DCDC1: variants seen among roughly 807,000 people sequenced by gnomAD.
The protein encoded by DCDC1 is doublecortin domain-containing protein 1.
In DCDC1, 200 loss-of-function variants were observed where a neutral mutation model predicts 178.3. That is an observed-to-expected ratio of 1.12 (90% confidence interval 1.00 to 1.26). The LOEUF is 1.26. Among genes scored for constraint, DCDC1 ranks in the 50% most tolerant of loss-of-function variants. DCDC1 has a pLI of 0.00. For missense variants in DCDC1, 1,983 were observed against 1,749.2 expected, an observed-to-expected ratio of 1.13 and a Z score of -2.38; for synonymous variants, 690 against 604.8, an observed-to-expected ratio of 1.14 and a Z score of -2.07.
chr11:31,042,299 C>G (rs1025611970), intron 20 of DCDC1, among the ~76,000 whole-genome samples: 1 of 152,154 alleles, frequency 6.6e-6, no homozygotes, highest in African/African-American at 2.4e-5. Flanking sequence ...ACGGAACACA[C>G]AGAATGTAGT....
rs749140925 is a variant in DCDC1, at chr11:30,938,304, G to A, written c.2716-6352C>T. Among the ~76,000 whole-genome samples, 13 of 152,010 alleles carry A rather than the reference G, an allele frequency of 8.6e-5. No individual in the cohort carries two copies. The East Asian group carries it at 1.4e-3, about 16-fold the overall frequency. On this transcript the variant is annotated intron_variant, in intron 21 of 38. Transcript: ENST00000684477. ...TCTCTCTCTGGGCACGAGCCAAGCC[G>A]TGCTGTGCCCTGGCTCCCTCCTGTC...
rs902139456 is a variant in DCDC1 at position 30,905,009 on chromosome 11, C to A, written c.4260G>T (p.Gly1420=). The change falls in exon 31 of 39, where the codon GGG becomes GGT. Residue 1420 remains glycine, a synonymous_variant. Coordinates refer to ENST00000684477, the MANE Select transcript of DCDC1 (RefSeq NM_001387274.1). Reference sequence around the variant, plus strand: ...TTAACTTCCCATTACGATACCCATCCCCATTTTTGTATGCAATTATTTTCA... The same window carrying A: ...TTAACTTCCCATTACGATACCCATCACCATTTTTGTATGCAATTATTTTCA... The part of the protein sequence containing the change: ...KAVKIIAYKN[G]DGYRNGKLIV... 2 of 1,613,728 alleles carry A rather than the reference C, an allele frequency of 1.2e-6. No homozygotes were observed. The highest frequency in any genetic ancestry group is 1.7e-6 in the Non-Finnish European group (2 of 1,179,782).
intron 9 of DCDC1, among the ~76,000 whole-genome samples, chr11:31,153,380 C>T (rs1965374232): frequency 6.6e-6 from 1 of 152,182 alleles, no homozygotes; most frequent in Non-Finnish European, 1.5e-5. Context: ...ATCTACTCTT[C>T]AAACCCCCAT....
chr11:30,868,146 T>C (rs1265716320), intron 38 of DCDC1, among the ~76,000 whole-genome samples: 1 of 152,116 alleles, frequency 6.6e-6, no homozygotes, highest in African/African-American at 2.4e-5. Context: ...TAACTCTGAT[T>C]CTTACACCAA....
chr11:31,148,961 T>C (rs182481913), intron 9 of DCDC1, among the ~76,000 whole-genome samples: 28 of 152,114 alleles, frequency 1.8e-4, no homozygotes, highest in East Asian at 1.5e-3. Flanking sequence ...TCCTCAAAGC[T>C]TAGCTCCCAC....
rs940564742 is a variant in DCDC1, at chr11:30,943,201, T to A, written c.2715+9244A>T. 13 of 152,454 alleles carry A rather than the reference T, an allele frequency of 8.5e-5. No homozygotes were observed. In the Middle Eastern group the frequency reaches 0.01, roughly 120 times the overall value. The allele number at this position is 152,454 out of a possible 1,614,324, so 9.4% of individuals were successfully genotyped here. A position where few individuals can be genotyped will look rare whatever the true frequency, so the allele number is the denominator to read the frequency against. ...AATTGATCATTCTTCTTTTTTTTTT[T>A]ATCTCTCTCTCATAAGAGAGAGAGC... On this transcript the variant is annotated intron_variant, in intron 21 of 38. Coordinates refer to ENST00000684477, the MANE Select transcript of DCDC1 (RefSeq NM_001387274.1).
At chr11:30,909,505 A>T (rs985494625) in intron 28 of DCDC1, among the ~76,000 whole-genome samples, 1 of 152,146 alleles carries the variant, frequency 6.6e-6, no homozygotes, top group African/African-American at 2.4e-5. Flanking sequence ...AGTGTAAATA[A>T]ATATTTGGGA....
chr11:31,275,895 G>A (rs756895868), intron 7 of DCDC1, among the ~76,000 whole-genome samples: 12 of 152,164 alleles, frequency 7.9e-5, no homozygotes, highest in Non-Finnish European at 1.8e-4. Flanking sequence ...CATAAGCAGG[G>A]GCTTCTGGGA....
Position 31,307,919 on chromosome 11 carries a change from C to T in DCDC1, c.165-11G>A, listed in dbSNP as rs772086260. On this transcript the variant is annotated splice_polypyrimidine_tract_variant and intron_variant, in intron 3 of 38. Transcript: ENST00000684477. The stretch of plus-strand genomic sequence containing the variant: ...GATGACATAAACTCTCTGGAAGAAA[C>T]AATGCATGGAAGAATACAATTAATT... The T allele has an allele frequency of 2.5e-6, 4 of 1,613,396 alleles. No individual in the cohort carries two copies. The highest frequency in any genetic ancestry group is 2.2e-5 in the East Asian group (1 of 44,894).
intron 38 of DCDC1, among the ~76,000 whole-genome samples, chr11:30,869,228 G>A (rs1941306759): frequency 6.6e-6 from 1 of 152,224 alleles, no homozygotes. Flanking sequence ...AGGGAATTTA[G>A]TCAGTCTATA....
At position 31,094,192 on chromosome 11, in the gene DCDC1, A is replaced by G. The variant is rs934686572; in HGVS notation, c.1984-8T>C. 5 of 766,012 alleles carry G rather than the reference A, an allele frequency of 6.5e-6. No individual in the cohort carries two copies. Among genetic ancestry groups the G allele is most frequent in the Non-Finnish European group, 1.2e-5 (5 of 417,662 alleles). 47.5% of individuals were successfully genotyped at this position (766,012 alleles called of 1,614,324 possible). A position where few individuals can be genotyped will look rare whatever the true frequency, so the allele number is the denominator to read the frequency against. The stretch of plus-strand genomic sequence containing the variant: ...GACAATATTGGGATCTACCTGTATC[A>G]TAAGAAGAAGTATGCATTTTTAACT... On this transcript the variant is annotated splice_region_variant and splice_polypyrimidine_tract_variant and intron_variant, in intron 15 of 38. Transcript: ENST00000684477.
intron 9 of DCDC1, among the ~76,000 whole-genome samples, chr11:31,214,036 T>G (rs1387405576): frequency 6.6e-6 from 1 of 152,144 alleles, no homozygotes; most frequent in African/African-American, 2.4e-5. Flanking sequence ...TTCTGTAATT[T>G]TACAAAAGAT....
At chr11:31,325,424 GAGTC>G (rs1270808724) in intron 3 of DCDC1, among the ~76,000 whole-genome samples, 1 of 152,138 alleles carries the variant, frequency 6.6e-6, no homozygotes, top group Non-Finnish European at 1.5e-5. Flanking sequence ...TCCAAATGGT[GAGTC>G]ATAAAATAAG....
At chr11:31,284,403 A>T (rs988968335) in intron 7 of DCDC1, among the ~76,000 whole-genome samples, 26 of 152,212 alleles carry the variant, frequency 1.7e-4, no homozygotes, top group African/African-American at 6.0e-4. Flanking sequence ...TGACTAGAAG[A>T]CTTCATAAAA....
At chr11:30,937,575 G>A (rs1947353288) in intron 21 of DCDC1, among the ~76,000 whole-genome samples, 2 of 152,120 alleles carry the variant, frequency 1.3e-5, no homozygotes, top group Admixed American at 6.5e-5. Flanking sequence ...TCCTTCGAGG[G>A]AGATCTTGAT....
chr11:31,214,894 T>C (rs951264145), intron 9 of DCDC1, among the ~76,000 whole-genome samples: 4 of 151,862 alleles, frequency 2.6e-5, no homozygotes, highest in Admixed American at 6.6e-5. Context: ...AATAAATTAC[T>C]ATAAAAACTT....
At chr11:30,935,983 A>T (rs1947254556) in intron 21 of DCDC1, among the ~76,000 whole-genome samples, 1 of 152,076 alleles carries the variant, frequency 6.6e-6, no homozygotes, top group Admixed American at 6.5e-5. Context: ...TGAGTCCACC[A>T]CATTCAGCTG....
In DCDC1 at chr11:30,932,109, T is replaced by C. The variant is rs1190024881; in HGVS notation, c.2716-157A>G. Among the ~76,000 whole-genome samples, 6 of 152,188 alleles carry C rather than the reference T, an allele frequency of 3.9e-5. No individual in the cohort carries two copies. The East Asian group carries it at 7.7e-4, about 20-fold the overall frequency. Reference sequence around the variant, plus strand: ...AGATGCTCCAGACAATTCTAATTAATGTTTTATTTGAAGAGGAAAGATAAT... The same window carrying C: ...AGATGCTCCAGACAATTCTAATTAACGTTTTATTTGAAGAGGAAAGATAAT... On this transcript the variant is annotated intron_variant, in intron 21 of 38. Coordinates refer to ENST00000684477, the MANE Select transcript of DCDC1 (RefSeq NM_001387274.1).
chr11:31,245,787 A>G (rs1457245844), intron 8 of DCDC1, among the ~76,000 whole-genome samples: 1 of 151,920 alleles, frequency 6.6e-6, no homozygotes, highest in Non-Finnish European at 1.5e-5. Flanking sequence ...AACTCTTTTA[A>G]ATAAAAAAGG....
Sources: allele counts gnomAD v4.1 joint callset (sites outside exome capture counted in the v4.1 genomes callset), GRCh38; gene constraint gnomAD v4.1.1; transcripts MANE v1.5; gene names NCBI Gene and HGNC (gene_info 2026-07-23, HGNC 2026-07-21).